Variants in SNX25 observed in about 807,000 individuals in gnomAD.
SNX25 encodes the protein sorting nexin-25.
In SNX25, 62 loss-of-function variants were observed where a neutral mutation model predicts 113.7. The observed-to-expected ratio is 0.55, with a 90% CI of 0.44 to 0.67. The LOEUF (loss-of-function observed/expected upper bound fraction) is 0.67, where lower values mean the gene tolerates loss of function less well. Among genes scored for constraint, SNX25 ranks in the 30% least tolerant of loss-of-function variants. SNX25 has a pLI of 0.00. For missense variants in SNX25, 1,014 were observed against 1,161.0 expected, an observed-to-expected ratio of 0.87 and a Z score of 1.84; for synonymous variants, 421 against 436.2, an observed-to-expected ratio of 0.97 and a Z score of 0.43.
intron 7 of SNX25, among the ~76,000 whole-genome samples, 181 bp from the exon 8 acceptor site, chr4:185,320,552 T>G (rs1212726389): frequency 6.6e-6 from 1 of 152,050 alleles, no homozygotes; most frequent in Non-Finnish European, 1.5e-5. Flanking sequence ...TATATACCTA[T>G]GTAACAAACC....
intron 1 of SNX25, among the ~76,000 whole-genome samples, chr4:185,218,991 C>T (rs553145641): frequency 3.3e-5 from 5 of 152,300 alleles, no homozygotes; most frequent in African/African-American, 1.2e-4. Context: ...TGGGAGCCCA[C>T]AGACAGTGTC....
intron 15 of SNX25, among the ~76,000 whole-genome samples, chr4:185,353,861 T>C (rs775688099): frequency 2.0e-5 from 3 of 151,994 alleles, no homozygotes; most frequent in Non-Finnish European, 2.9e-5. Context: ...CTGACCAACA[T>C]GGTGAAACCC....
At position 185,310,490 on chromosome 4, in the gene SNX25, T is replaced by C. The variant is rs551728615; in HGVS notation, c.1163-145T>C. On this transcript the variant is annotated intron_variant, in intron 6 of 18. Coordinates refer to ENST00000652585, the MANE Select transcript of SNX25 (RefSeq NM_001378034.2). ...ATTTTTATTTGGGAGTATGTATATG[T>C]ATTTATCATGGATTCTGTTCTGTTA... 1.1e-5 allele frequency: 6 copies of C among 531,272 alleles called. No individual in the cohort carries two copies. The South Asian group carries it at 3.2e-4, about 28-fold the overall frequency. 32.9% of individuals were successfully genotyped at this position (531,272 alleles called of 1,614,324 possible).
intron 5 of SNX25, among the ~76,000 whole-genome samples, chr4:185,271,925 A>T (rs1394951507): frequency 6.6e-6 from 1 of 152,268 alleles, no homozygotes; most frequent in African/African-American, 2.4e-5. Context: ...CTAGAAATGC[A>T]TCCTTCAAAT....
chr4:185,351,235 C>T (rs938759234), intron 13 of SNX25, among the ~76,000 whole-genome samples: 2 of 152,214 alleles, frequency 1.3e-5, no homozygotes, highest in Non-Finnish European at 1.5e-5. Context: ...TTGGGCACTA[C>T]TAGTTAACCT....
the SNX25 span, among the ~76,000 whole-genome samples, chr4:185,376,029 A>G: frequency 1.1e-3 from 164 of 152,248 alleles, no homozygotes; most frequent in Non-Finnish European, 1.9e-3. Context: ...TAGTCAACAA[A>G]TGGTGAAAGA....
chr4:185,342,266 G>C (rs2126725828), intron 12 of SNX25, 150 bp downstream of exon 12: 1 of 918,070 alleles, frequency 1.1e-6, no homozygotes, highest in African/African-American at 1.7e-5. Flanking sequence ...TTTACTCATA[G>C]ATCAAACCAT....
intron 13 of SNX25, among the ~76,000 whole-genome samples, chr4:185,348,616 C>T (rs186182928): frequency 6.6e-6 from 1 of 152,076 alleles, no homozygotes; most frequent in African/African-American, 2.4e-5. Flanking sequence ...AGGCAGGTCT[C>T]GAACTCCTGA....
intron 5 of SNX25, among the ~76,000 whole-genome samples, chr4:185,285,092 C>G (rs1250743338): frequency 6.6e-6 from 1 of 152,112 alleles, no homozygotes; most frequent in Non-Finnish European, 1.5e-5. Context: ...ATAAGTCTAC[C>G]ATTTTAACAC....
chr4:185,254,148 G>A (rs886386236), intron 2 of SNX25, among the ~76,000 whole-genome samples: 2 of 152,074 alleles, frequency 1.3e-5, no homozygotes, highest in South Asian at 2.1e-4. Flanking sequence ...TCAACTCATC[G>A]AGTTCTAGTT....
intron 7 of SNX25, among the ~76,000 whole-genome samples, chr4:185,315,054 C>T (rs28749270): frequency 0.078 from 11,769 of 150,488 alleles, 733 homozygotes; most frequent in East Asian, 0.19. Flanking sequence ...CAGTGAAACC[C>T]CGTCTCTACT....
chr4:185,272,056 G>A (rs903205199), intron 5 of SNX25, among the ~76,000 whole-genome samples: 1 of 152,232 alleles, frequency 6.6e-6, no homozygotes, highest in African/African-American at 2.4e-5. Flanking sequence ...TCTGGATGCA[G>A]GATGTTGAAG....
chr4:185,353,779 C>T (rs1412816439), intron 15 of SNX25, among the ~76,000 whole-genome samples, 177 bp downstream of exon 15: 2 of 152,228 alleles, frequency 1.3e-5, no homozygotes, highest in Non-Finnish European at 2.9e-5. Context: ...GGCACGGTGG[C>T]TCACGCCTGT....
In SNX25 at chr4:185,229,269, C is replaced by T. The variant is rs114100730; in HGVS notation, c.430-18025C>T. Among the ~76,000 whole-genome samples the T allele has an allele frequency of 7.5e-3, 1,136 of 152,260 alleles. 15 individuals are homozygous for T. The highest frequency in any genetic ancestry group is 0.025 in the African/African-American group (1,046 of 41,552). Reference sequence around the variant, plus strand: ...GGGAGGAGCCGAGGCCGGGAGGAAGCTGAGAGCTTGGAGAGAAGGGAAGGG... The same window carrying T: ...GGGAGGAGCCGAGGCCGGGAGGAAGTTGAGAGCTTGGAGAGAAGGGAAGGG... On this transcript the variant is annotated intron_variant, in intron 1 of 18. Coordinates refer to ENST00000652585, the MANE Select transcript of SNX25 (RefSeq NM_001378034.2).
intron 2 of SNX25, among the ~76,000 whole-genome samples, chr4:185,254,931 T>C (rs1262754201): frequency 6.7e-6 from 1 of 149,728 alleles, no homozygotes; most frequent in African/African-American, 2.5e-5. Flanking sequence ...TGTATATTTC[T>C]TTTTTTTTTC....
chr4:185,279,126 T>A (rs969018428), intron 5 of SNX25, among the ~76,000 whole-genome samples: 3 of 151,218 alleles, frequency 2.0e-5, no homozygotes, highest in African/African-American at 2.4e-5. Context: ...GTATATATAT[T>A]TTTATAATTA....
At chr4:185,230,550 A>G (rs10026642) in intron 1 of SNX25, among the ~76,000 whole-genome samples, 99,059 of 151,372 alleles carry the variant, frequency 0.65, 32,454 homozygotes, top group East Asian at 0.75. Context: ...GAGCCAACAC[A>G]CCTGGCTAAT....
At chr4:185,350,800 T>TG (rs1206171454) in intron 13 of SNX25, among the ~76,000 whole-genome samples, 1 of 152,112 alleles carries the variant, frequency 6.6e-6, no homozygotes, top group Non-Finnish European at 1.5e-5. Flanking sequence ...AGGCAGAAGT[T>TG]GCGGTGAGCC....
At chr4:185,265,782 C>G (rs1553994096) in intron 4 of SNX25, among the ~76,000 whole-genome samples, 1 of 152,016 alleles carries the variant, frequency 6.6e-6, no homozygotes, top group Non-Finnish European at 1.5e-5. Flanking sequence ...TATTTTTATA[C>G]TATTGACAGT....
Sources: gnomAD v4.1 joint callset for allele counts (sites outside exome capture counted in the v4.1 genomes callset) on GRCh38, gnomAD v4.1.1 for gene constraint, MANE v1.5 for transcripts, NCBI Gene and HGNC (gene_info 2026-07-23, HGNC 2026-07-21) for gene names.